Variants in NKAIN2 observed in about 807,000 individuals in gnomAD.
The protein encoded by NKAIN2 is sodium/potassium-transporting ATPase subunit beta-1-interacting protein 2.
A neutral mutation model predicts 32.6 loss-of-function variants in NKAIN2; 14 were observed. The observed-to-expected ratio is 0.43, with a 90% CI of 0.28 to 0.67. The LOEUF (loss-of-function observed/expected upper bound fraction) is 0.67. Among genes scored for constraint, NKAIN2 ranks in the 30% least tolerant of loss-of-function variants. The pLI is 0.17. For synonymous variants in NKAIN2, 80 were observed against 87.2 expected, an observed-to-expected ratio of 0.92 and a Z score of 0.46; for missense variants, 198 against 258.3, an observed-to-expected ratio of 0.77 and a Z score of 1.60.
chr6:124,808,480 A>G (rs1199499833), intron 5 of NKAIN2, among the ~76,000 whole-genome samples: 2 of 152,222 alleles, frequency 1.3e-5, no homozygotes, highest in African/African-American at 4.8e-5. Flanking sequence ...GATGGGACGT[A>G]TCTCAAAATA....
At chr6:124,509,800 C>G (rs959320337) in intron 3 of NKAIN2, among the ~76,000 whole-genome samples, 23 of 152,136 alleles carry the variant, frequency 1.5e-4, no homozygotes, top group Non-Finnish European at 3.2e-4. Flanking sequence ...GAACACAATT[C>G]TAAGAGGCAG....
intron 3 of NKAIN2, among the ~76,000 whole-genome samples, chr6:124,364,991 A>G (rs1232785239): frequency 6.6e-6 from 1 of 151,976 alleles, no homozygotes; most frequent in Admixed American, 6.6e-5. Flanking sequence ...ATGTTAGATT[A>G]TAATAGTTCA....
At chr6:124,771,652 A>T (rs1281177304) in intron 4 of NKAIN2, among the ~76,000 whole-genome samples, 2 of 152,236 alleles carry the variant, frequency 1.3e-5, no homozygotes, top group Non-Finnish European at 2.9e-5. Context: ...CAGAGATTAA[A>T]TAAATGGCAG....
rs891744292 is a variant in NKAIN2 at position 124,762,847 on chromosome 6, TAAG to T, written c.475-28485_475-28483del. Among the ~76,000 whole-genome samples the T allele has an allele frequency of 4.6e-5, 7 of 152,228 alleles. 1 individual carries two copies. The highest frequency in any genetic ancestry group is 6.5e-5 in the Admixed American group (1 of 15,280). On this transcript the variant is annotated intron_variant, in intron 4 of 6. Coordinates refer to ENST00000368417, the MANE Select transcript of NKAIN2 (RefSeq NM_001040214.3). The stretch of plus-strand genomic sequence containing the variant: ...GAGCAGGAGCAGGGGTGCCCCTGGG[TAAG>T]AAGAAGTCTAGAGGGATTTCAGACT...
At chr6:123,835,480 C>T (rs1391783039) in intron 1 of NKAIN2, among the ~76,000 whole-genome samples, 1 of 152,156 alleles carries the variant, frequency 6.6e-6, no homozygotes, top group Middle Eastern at 3.2e-3. Flanking sequence ...ATGCCTTTCT[C>T]TCATGACTAA....
intron 1 of NKAIN2, among the ~76,000 whole-genome samples, chr6:123,843,636 C>T (rs1159759640): frequency 6.6e-6 from 1 of 152,136 alleles, no homozygotes; most frequent in Non-Finnish European, 1.5e-5. Flanking sequence ...TCGCCCTCTT[C>T]TACCCAGTAT....
intron 4 of NKAIN2, among the ~76,000 whole-genome samples, chr6:124,722,651 G>A (rs558153390): frequency 2.0e-5 from 3 of 152,232 alleles, no homozygotes; most frequent in African/African-American, 7.2e-5. Flanking sequence ...ATAATGTAAT[G>A]CTCCCTTGCC....
chr6:124,505,612 A>AG (rs2114758907), intron 3 of NKAIN2, among the ~76,000 whole-genome samples: 1 of 152,296 alleles, frequency 6.6e-6, no homozygotes, highest in East Asian at 1.9e-4. Flanking sequence ...CAGCTGGTAA[A>AG]TGATCTGCAT....
intron 1 of NKAIN2, among the ~76,000 whole-genome samples, chr6:124,060,669 T>C (rs1270828156): frequency 6.6e-6 from 1 of 152,182 alleles, no homozygotes; most frequent in Non-Finnish European, 1.5e-5. Context: ...ATTTATTGCA[T>C]GAAAGGATAA....
intron 1 of NKAIN2, among the ~76,000 whole-genome samples, chr6:123,850,431 A>G (rs1045374532): frequency 7.3e-5 from 11 of 151,520 alleles, no homozygotes; most frequent in Non-Finnish European, 1.3e-4. Flanking sequence ...TGGTGGGTCT[A>G]CCAGTCAATG....
chr6:123,948,388 G>C (rs911761806), intron 1 of NKAIN2, among the ~76,000 whole-genome samples: 1 of 151,568 alleles, frequency 6.6e-6, no homozygotes, highest in East Asian at 1.9e-4. Flanking sequence ...TTCCACCAAT[G>C]GAAATTAGTG....
intron 1 of NKAIN2, among the ~76,000 whole-genome samples, chr6:123,830,992 G>A (rs769693117): frequency 1.3e-5 from 2 of 152,126 alleles, no homozygotes; most frequent in African/African-American, 2.4e-5. Flanking sequence ...TGTAGCTATC[G>A]GCTTTTGTAA....
At chr6:124,745,822 C>A (rs1777426311) in intron 4 of NKAIN2, among the ~76,000 whole-genome samples, 1 of 151,764 alleles carries the variant, frequency 6.6e-6, no homozygotes, top group Admixed American at 6.6e-5. Flanking sequence ...TATAAGATTG[C>A]CTACTTACCA....
chr6:123,876,434 A>G (rs1259465306), intron 1 of NKAIN2, among the ~76,000 whole-genome samples: 1 of 152,166 alleles, frequency 6.6e-6, no homozygotes, highest in Non-Finnish European at 1.5e-5. Flanking sequence ...ATATGTATAC[A>G]CAAACGGTCA....
chr6:123,967,172 T>C (rs956340992), intron 1 of NKAIN2, among the ~76,000 whole-genome samples: 1 of 152,190 alleles, frequency 6.6e-6, no homozygotes, highest in Non-Finnish European at 1.5e-5. Flanking sequence ...TTTCCTCAAA[T>C]ACCTGCCTTA....
At chr6:123,958,317 C>T (rs1264446188) in intron 1 of NKAIN2, among the ~76,000 whole-genome samples, 1 of 152,204 alleles carries the variant, frequency 6.6e-6, no homozygotes, top group African/African-American at 2.4e-5. Flanking sequence ...TATACTGTCC[C>T]ATGCATTAGC....
chr6:124,027,857 A>G lies in NKAIN2; in HGVS notation c.54+223603A>G, dbSNP rs541629970. ...TCCATTCTTTGCACTTCAGTTAAAG[A>G]GAACTAAATATATTTTAAATAAACA... On this transcript the variant is annotated intron_variant, in intron 1 of 6. Transcript: ENST00000368417. Among the ~76,000 whole-genome samples the G allele has an allele frequency of 2.6e-5, 4 of 152,292 alleles. No individual in the cohort carries two copies. The East Asian group carries it at 7.7e-4, about 29-fold the overall frequency.
Position 124,712,588 on chromosome 6 carries a change from C to T in NKAIN2, c.474+54202C>T, listed in dbSNP as rs566082636. 1.7e-3 allele frequency among the ~76,000 whole-genome samples: 247 copies of T among 144,330 alleles called. 2 individuals carry two copies. Among genetic ancestry groups the T allele is most frequent in the African/African-American group, 6.4e-3 (241 of 37,834 alleles). 94.7% of individuals were successfully genotyped at this position (144,330 alleles called of 152,430 possible). A position where few individuals can be genotyped will look rare whatever the true frequency, so the allele number is the denominator to read the frequency against. On this transcript the variant is annotated intron_variant, in intron 4 of 6. Transcript: ENST00000368417. ...TGGGAGTGACCCGATTTTCCAGGTG[C>T]GTCCGTCACCCCTTTCTTTGAGTCG... is the stretch of plus-strand genomic sequence containing the variant.
At chr6:124,477,274 T>A (rs936836850) in intron 3 of NKAIN2, among the ~76,000 whole-genome samples, 11 of 152,284 alleles carry the variant, frequency 7.2e-5, no homozygotes, top group Non-Finnish European at 1.3e-4. Context: ...TAGTTTCTAA[T>A]GCAGAGCTTC....
Sources: gnomAD v4.1 joint callset for allele counts (sites outside exome capture counted in the v4.1 genomes callset) on GRCh38, gnomAD v4.1.1 for gene constraint, MANE v1.5 for transcripts, NCBI Gene and HGNC (gene_info 2026-07-23, HGNC 2026-07-21) for gene names.